Variants in NOS1AP observed in about 807,000 individuals in gnomAD.
NOS1AP encodes nitric oxide synthase 1 adaptor protein, also known as carboxyl-terminal PDZ ligand of neuronal nitric oxide synthase protein.
Under a neutral mutation model 56.2 loss-of-function variants are expected in NOS1AP, and 21 were observed. The ratio of observed to expected loss-of-function variants is 0.37; its 90% confidence interval spans 0.26 to 0.54. NOS1AP has a LOEUF of 0.54. NOS1AP is among the 20% of genes least tolerant of loss of function. The pLI is 0.84. For missense variants in NOS1AP, 522 were observed against 657.8 expected (o/e 0.79, Z 2.26); for synonymous variants, 270 against 274.6 (o/e 0.98, Z 0.17).
intron 8 of NOS1AP, 123 bp downstream of exon 8, chr1:162,357,259 T>C: frequency 6.7e-7 from 1 of 1,500,556 alleles, no homozygotes; most frequent in East Asian, 2.5e-5. Flanking sequence ...CTCATGCTAT[T>C]GGATCATTGC....
Position 162,276,688 on chromosome 1 carries a change from C to T in NOS1AP, c.178-10656C>T, listed in dbSNP as rs548399696. 1.6e-4 allele frequency among the ~76,000 whole-genome samples: 25 copies of T among 152,240 alleles called. No homozygotes were observed. In the South Asian group the frequency reaches 2.3e-3, roughly 14 times the overall value. The stretch of plus-strand genomic sequence containing the variant: ...GTTCCACTTTACAATCCCATAACCC[C>T]GAGGAAATATTGCCACCTACTGACA... On this transcript the variant is annotated intron_variant, in intron 2 of 9. Transcript: ENST00000361897.
chr1:162,171,302 A>T (rs1327811207), intron 2 of NOS1AP, among the ~76,000 whole-genome samples: 1 of 152,148 alleles, frequency 6.6e-6, no homozygotes, highest in Non-Finnish European at 1.5e-5. Context: ...GCTAGAATTC[A>T]GGTCGTTTGT....
chr1:162,099,680 G>A (rs1028909297), intron 1 of NOS1AP, among the ~76,000 whole-genome samples: 5 of 151,580 alleles, frequency 3.3e-5, no homozygotes, highest in South Asian at 2.1e-4. Flanking sequence ...TGTGCACAAC[G>A]TGCAGGTTTG....
At chr1:162,102,337 G>A (rs1243358977) in intron 1 of NOS1AP, among the ~76,000 whole-genome samples, 1 of 152,166 alleles carries the variant, frequency 6.6e-6, no homozygotes, top group Non-Finnish European at 1.5e-5. Context: ...TGCGCTGCTG[G>A]ATTTGGTTTG....
At chr1:162,348,119 G>A (rs1330905534) in intron 6 of NOS1AP, among the ~76,000 whole-genome samples, 1 of 152,178 alleles carries the variant, frequency 6.6e-6, no homozygotes, top group Non-Finnish European at 1.5e-5. Context: ...GGACTTCCTA[G>A]CACAGTAAAG....
intron 6 of NOS1AP, among the ~76,000 whole-genome samples, chr1:162,351,108 A>G (rs138233715): frequency 4.4e-4 from 67 of 152,322 alleles, no homozygotes; most frequent in African/African-American, 1.6e-3. Flanking sequence ...CATCTCTAAG[A>G]TATCTCATAT....
chr1:162,148,852 T>A (rs1003945542), intron 1 of NOS1AP, among the ~76,000 whole-genome samples: 1 of 152,112 alleles, frequency 6.6e-6, no homozygotes, highest in African/African-American at 2.4e-5. Flanking sequence ...TTTTCTGGGA[T>A]CAGGTAATGG....
intron 2 of NOS1AP, among the ~76,000 whole-genome samples, chr1:162,264,979 T>A (rs1425744131): frequency 6.6e-6 from 1 of 151,968 alleles, no homozygotes; most frequent in Non-Finnish European, 1.5e-5. Flanking sequence ...ACCGCCTGGC[T>A]ACTTTTTGTA....
At chr1:162,270,578 T>C (rs1360021533) in intron 2 of NOS1AP, among the ~76,000 whole-genome samples, 3 of 152,212 alleles carry the variant, frequency 2.0e-5, no homozygotes, top group South Asian at 4.1e-4. Flanking sequence ...GTAAAACTTA[T>C]GGGGATGTTT....
Position 162,182,822 on chromosome 1 carries a change from C to CT in NOS1AP, c.177+28348dup, listed in dbSNP as rs573335713. The stretch of plus-strand genomic sequence containing the variant: ...AGGCTCCACTTCTCATCGTAGTTCT[C>CT]TTGCTATTTCTGTTACATGTGCAGT... On this transcript the variant is annotated intron_variant, in intron 2 of 9. Coordinates refer to ENST00000361897, the MANE Select transcript of NOS1AP (RefSeq NM_014697.3). 3.7e-3 allele frequency among the ~76,000 whole-genome samples: 569 copies of CT among 152,284 alleles called. 3 individuals are homozygous for CT. The highest frequency in any genetic ancestry group is 0.013 in the African/African-American group (537 of 41,558).
intron 2 of NOS1AP, among the ~76,000 whole-genome samples, chr1:162,172,884 G>A (rs1467642124): frequency 6.6e-6 from 1 of 151,864 alleles, no homozygotes; most frequent in Non-Finnish European, 1.5e-5. Flanking sequence ...TGCTAGTTGA[G>A]TGTTATTCTT....
chr1:162,325,567 G>A (rs959693888), intron 4 of NOS1AP, among the ~76,000 whole-genome samples: 4 of 152,084 alleles, frequency 2.6e-5, no homozygotes, highest in East Asian at 1.9e-4. Context: ...GGGCTGGGAC[G>A]CTTAGGGAAC....
At chr1:162,106,119 G>T (rs564409444) in intron 1 of NOS1AP, among the ~76,000 whole-genome samples, 6 of 152,274 alleles carry the variant, frequency 3.9e-5, no homozygotes, top group Admixed American at 3.9e-4. Context: ...GGTGGTGTGG[G>T]CTCATGAGGG....
At chr1:162,141,623 T>A (rs908287774) in intron 1 of NOS1AP, among the ~76,000 whole-genome samples, 2 of 152,262 alleles carry the variant, frequency 1.3e-5, no homozygotes, top group Admixed American at 1.3e-4. Context: ...CCTTGTGTAC[T>A]CTTTTCTCTT....
chr1:162,185,167 T>C (rs1651388926), intron 2 of NOS1AP, among the ~76,000 whole-genome samples: 1 of 152,206 alleles, frequency 6.6e-6, no homozygotes, highest in Non-Finnish European at 1.5e-5. Flanking sequence ...CCTCTTCCAC[T>C]TTTGAGGACT....
At chr1:162,244,994 A>T (rs1653613999) in intron 2 of NOS1AP, among the ~76,000 whole-genome samples, 1 of 152,180 alleles carries the variant, frequency 6.6e-6, no homozygotes, top group Non-Finnish European at 1.5e-5. Flanking sequence ...AGGGAAGACC[A>T]TAGCTGCCTC....
At chr1:162,191,489 G>A (rs1384479945) in intron 2 of NOS1AP, among the ~76,000 whole-genome samples, 1 of 152,146 alleles carries the variant, frequency 6.6e-6, no homozygotes, top group African/African-American at 2.4e-5. Flanking sequence ...ATCAGGTTTT[G>A]CCCATGTGGA....
chr1:162,340,861 CCTA>C (rs1657087093), intron 5 of NOS1AP, among the ~76,000 whole-genome samples: 1 of 152,178 alleles, frequency 6.6e-6, no homozygotes, highest in Admixed American at 6.5e-5. Context: ...TTAAAACCAG[CCTA>C]CTTCCTTACA....
chr1:162,158,521 G>A (rs1650063683), intron 2 of NOS1AP, among the ~76,000 whole-genome samples: 1 of 152,126 alleles, frequency 6.6e-6, no homozygotes, highest in East Asian at 1.9e-4. Flanking sequence ...AAATGTGATC[G>A]CTGGGTATGG....
Sources: allele counts gnomAD v4.1 joint callset (sites outside exome capture counted in the v4.1 genomes callset), GRCh38; gene constraint gnomAD v4.1.1; transcripts MANE v1.5; gene names NCBI Gene and HGNC (gene_info 2026-07-23, HGNC 2026-07-21).